VPS54: variants seen among roughly 807,000 people sequenced by gnomAD.
VPS54 encodes VPS54 subunit of GARP complex.
A neutral mutation model predicts 121.5 loss-of-function variants in VPS54; 45 were observed. That is an observed-to-expected ratio of 0.37 (90% CI 0.29 to 0.47). VPS54 has a LOEUF of 0.47. VPS54 is among the 20% of genes least tolerant of loss of function. The pLI is 0.99. For synonymous variants in VPS54, 371 were observed against 385.8 expected, an observed-to-expected ratio of 0.96 and a Z score of 0.45; for missense variants, 1,090 against 1,131.4, an observed-to-expected ratio of 0.96 and a Z score of 0.52.
At chr2:63,899,433 AT>A in intron 21 of VPS54, 40 bp downstream of exon 21, 1 of 1,546,314 alleles carries the variant, frequency 6.5e-7, no homozygotes, top group Non-Finnish European at 8.9e-7. Context: ...CAGATATTGT[AT>A]GTTATATATA....
At chr2:63,998,864 G>A (rs185190812) in intron 1 of VPS54, among the ~76,000 whole-genome samples, 1 of 152,086 alleles carries the variant, frequency 6.6e-6, no homozygotes, top group Admixed American at 6.6e-5. Context: ...ATGATTTTCT[G>A]TGTACTTATA....
At chr2:63,910,153 T>C (rs931237928) in intron 20 of VPS54, among the ~76,000 whole-genome samples, 4 of 152,206 alleles carry the variant, frequency 2.6e-5, no homozygotes, top group African/African-American at 7.2e-5. Context: ...CTGTCTGCTA[T>C]TTTGATATTA....
At chr2:64,003,977 A>C (rs1193079091) in intron 1 of VPS54, among the ~76,000 whole-genome samples, 5 of 152,230 alleles carry the variant, frequency 3.3e-5, no homozygotes, top group African/African-American at 4.8e-5. Flanking sequence ...GAATACAGAA[A>C]GAATAAGTCT....
In VPS54 at chr2:63,943,442, C is replaced by T. The variant is rs116015416; in HGVS notation, c.1302-881G>A. Among the ~76,000 whole-genome samples the T allele has an allele frequency of 5.8e-3, 877 of 152,244 alleles. 8 individuals carry two copies. The highest frequency in any genetic ancestry group is 6.1e-3 in the Admixed American group (93 of 15,282). On this transcript the variant is annotated intron_variant, in intron 10 of 22. Coordinates refer to ENST00000272322, the MANE Select transcript of VPS54 (RefSeq NM_016516.3). ...ACATCCATGGAGCTTCTAATAGTGT[C>T]CCAATGACTTATGTTTTCCAACCAC...
chr2:63,981,627 A>G lies in VPS54; in HGVS notation c.378+19T>C. 1 of 1,546,372 alleles carries G rather than the reference A, an allele frequency of 6.5e-7. No homozygotes were observed. The highest frequency in any genetic ancestry group is 8.7e-7 in the Non-Finnish European group (1 of 1,148,658). On this transcript the variant is annotated intron_variant, in intron 3 of 22. Transcript: ENST00000272322. Reference sequence around the variant, plus strand: ...TATTACTTTTGACCTGACTGTAACTAGCCAAGATTAGATATTACCTGAGAG... The same window carrying G: ...TATTACTTTTGACCTGACTGTAACTGGCCAAGATTAGATATTACCTGAGAG...
intron 1 of VPS54, among the ~76,000 whole-genome samples, chr2:64,010,836 C>T (rs1033039533): frequency 6.6e-6 from 1 of 152,104 alleles, no homozygotes; most frequent in African/African-American, 2.4e-5. Context: ...TAAATAAGTA[C>T]TTCTATAGTC....
rs1429031486 is a variant in VPS54, at chr2:63,962,657, A to AG, written c.625-215dup. Among the ~76,000 whole-genome samples, 14 of 152,284 alleles carry AG rather than the reference A, an allele frequency of 9.2e-5. 1 individual carries two copies. In the East Asian group the frequency reaches 2.7e-3, roughly 29 times the overall value. ...TATAAATGTAAGACAAAAGAGTACAAGGTCATTTACTTTCCTCCTCTGTTC... is the reference window on the plus strand; with the variant it reads ...TATAAATGTAAGACAAAAGAGTACAAGGGTCATTTACTTTCCTCCTCTGTTC... On this transcript the variant is annotated intron_variant, in intron 6 of 22. Transcript: ENST00000272322.
At chr2:63,990,278 T>TGACC (rs200329241) in intron 1 of VPS54, among the ~76,000 whole-genome samples, 4,151 of 152,272 alleles carry the variant, frequency 0.027, 96 homozygotes, top group Middle Eastern at 0.085. Flanking sequence ...TACCCCCTGC[T>TGACC]GACCTTGTTT....
chr2:63,983,834 T>TA, intron 2 of VPS54, 30 bp downstream of exon 2: 1 of 1,570,562 alleles, frequency 6.4e-7, no homozygotes, highest in South Asian at 1.2e-5. Flanking sequence ...AAATCATCAG[T>TA]AAAAATCCTA....
At chr2:63,904,943 C>A (rs1161520565) in intron 20 of VPS54, among the ~76,000 whole-genome samples, 1 of 151,976 alleles carries the variant, frequency 6.6e-6, no homozygotes, top group Non-Finnish European at 1.5e-5. Flanking sequence ...AACAGATTTC[C>A]AAATAACCCA....
intron 12 of VPS54, among the ~76,000 whole-genome samples, chr2:63,928,610 G>T (rs187118473): frequency 5.3e-5 from 8 of 151,974 alleles, no homozygotes; most frequent in Non-Finnish European, 1.2e-4. Context: ...ATTAGTGGGC[G>T]AAATAACCAG....
Position 63,949,052 on chromosome 2 carries a change from ACAGTCATCTTC to A in VPS54, c.1111_1121del (p.Glu371SerfsTer22). ...AAACACATACCTCTTCTAAAACTTGACAGTCATCTTCCAGTGGTCTATTTAAGTCACTGTGA... is the reference window on the plus strand; with the variant it reads ...AAACACATACCTCTTCTAAAACTTGACAGTGGTCTATTTAAGTCACTGTGA... On this transcript the variant is annotated frameshift_variant, in exon 8 of 23. Transcript: ENST00000272322. LOFTEE classifies it high-confidence loss of function. The A allele has an allele frequency of 6.2e-7, 1 of 1,611,264 alleles. No individual in the cohort carries two copies. Among genetic ancestry groups the A allele is most frequent in the Non-Finnish European group, 8.5e-7 (1 of 1,179,050 alleles).
In VPS54 at chr2:63,979,104, CT is replaced by C. The variant is rs903833207; in HGVS notation, c.378+2541del. Among the ~76,000 whole-genome samples, 10 of 151,820 alleles carry C rather than the reference CT, an allele frequency of 6.6e-5. No homozygotes were observed. The East Asian group carries it at 1.9e-3, about 29-fold the overall frequency. The stretch of plus-strand genomic sequence containing the variant: ...TATTCTTGTTATTGGTGACTTTTAT[CT>C]TCTCTTTTTTTCCTAATCAGTATGC... On this transcript the variant is annotated intron_variant, in intron 3 of 22. Transcript: ENST00000272322.
intron 21 of VPS54, among the ~76,000 whole-genome samples, chr2:63,899,067 T>A (rs1345051422): frequency 6.6e-6 from 1 of 152,196 alleles, no homozygotes; most frequent in East Asian, 1.9e-4. Flanking sequence ...ATTATATGTG[T>A]TAATCTTATT....
intron 22 of VPS54, among the ~76,000 whole-genome samples, chr2:63,894,218 AGTTGG>A (rs1672344837): frequency 6.6e-6 from 1 of 152,208 alleles, no homozygotes; most frequent in African/African-American, 2.4e-5. Flanking sequence ...CTAATGTGGG[AGTTGG>A]TACAGCCACT....
At chr2:63,937,668 G>A (rs1346716711) in intron 11 of VPS54, among the ~76,000 whole-genome samples, 1 of 151,940 alleles carries the variant, frequency 6.6e-6, no homozygotes, top group African/African-American at 2.4e-5. Flanking sequence ...ACTAAAAGGG[G>A]GCCTCAGAGA....
chr2:63,913,689 G>A, intron 17 of VPS54: 1 of 305,694 alleles, frequency 3.3e-6, no homozygotes. Flanking sequence ...CAGATTAGAG[G>A]TTTGAAAAAA....
chr2:63,982,460 C>A (rs1326658086), intron 2 of VPS54, among the ~76,000 whole-genome samples: 1 of 152,144 alleles, frequency 6.6e-6, no homozygotes, highest in Non-Finnish European at 1.5e-5. Flanking sequence ...AAATATTGAA[C>A]CACTGCTTGT....
intron 1 of VPS54, among the ~76,000 whole-genome samples, chr2:64,008,013 G>GAA (rs200093482): frequency 5.8e-5 from 8 of 137,334 alleles, no homozygotes; most frequent in African/African-American, 2.1e-4. Flanking sequence ...GTGGTAAAAG[G>GAA]AAAAAAAAAA....
Sources: allele counts gnomAD v4.1 joint callset (sites outside exome capture counted in the v4.1 genomes callset), GRCh38; gene constraint gnomAD v4.1.1; transcripts MANE v1.5; gene names NCBI Gene and HGNC (gene_info 2026-07-23, HGNC 2026-07-21).